The following ABTB1 variants were observed in gnomAD, a reference collection of about 807,000 sequenced individuals.
The protein encoded by ABTB1 is ankyrin repeat and BTB domain containing 1.
In ABTB1, 45 loss-of-function variants were observed where a neutral mutation model predicts 57.1. The ratio of observed to expected loss-of-function variants is 0.79; its 90% CI spans 0.62 to 1.01. The LOEUF is 1.01. Ranked by LOEUF, ABTB1 falls within the 50% of genes least tolerant of loss-of-function variation. The pLI is 0.00. For synonymous variants in ABTB1, 302 were observed against 275.4 expected (o/e 1.10, Z -0.95); for missense variants, 630 against 666.3 (o/e 0.95, Z 0.60).
At chr3:127,673,956 C>G (rs1407922592) in intron 1 of ABTB1, among the ~76,000 whole-genome samples, 1 of 152,234 alleles carries the variant, frequency 6.6e-6, no homozygotes, top group Non-Finnish European at 1.5e-5. Flanking sequence ...GCGACTCCTG[C>G]CTCCTAGAAT....
rs1478630055 is a variant in ABTB1, at chr3:127,680,760, T to G, written c.*285T>G. On this transcript the variant is annotated 3_prime_UTR_variant, in exon 12 of 12. Coordinates refer to ENST00000232744, the MANE Select transcript of ABTB1 (RefSeq NM_172027.3). The stretch of plus-strand genomic sequence containing the variant: ...GGGGTGGGCTTTGGTCTTAGCACTT[T>G]CCTTCTCCAGATCCCCCCTACCCAC... 1.5e-6 allele frequency: 1 copy of G among 667,796 alleles called. No homozygotes were observed. The highest frequency in any genetic ancestry group is 1.7e-5 in the South Asian group (1 of 57,156). 41.4% of individuals were successfully genotyped at this position (667,796 alleles called of 1,614,324 possible).
rs886228479 is a variant in ABTB1 at position 127,676,847 on chromosome 3, A to G, written c.527-120A>G. 2 of 1,016,922 alleles carry G rather than the reference A, an allele frequency of 2.0e-6. No individual in the cohort carries two copies. The highest frequency in any genetic ancestry group is 1.6e-5 in the African/African-American group (1 of 62,590). The allele number at this position is 1,016,922 out of a possible 1,614,324, so 63.0% of individuals were successfully genotyped here. ...TTTTGATGGGGAAACCATGGTGGCA[A>G]GTGGGCCCAGGAGTCCTAGTCCTGC... On this transcript the variant is annotated intron_variant, in intron 6 of 11. Transcript: ENST00000232744. The surrounding 1 kb of genome is among the most constrained non-coding windows in gnomAD (Gnocchi z 5.4).
Position 127,676,797 on chromosome 3 carries a change from T to G in ABTB1, c.527-170T>G. 1 of 833,446 alleles carries G rather than the reference T, an allele frequency of 1.2e-6. No individual in the cohort carries two copies. The highest frequency in any genetic ancestry group is 1.9e-6 in the Non-Finnish European group (1 of 538,766). The allele number at this position is 833,446 out of a possible 1,614,324, so 51.6% of individuals were successfully genotyped here. On this transcript the variant is annotated intron_variant, in intron 6 of 11. Coordinates refer to ENST00000232744, the MANE Select transcript of ABTB1 (RefSeq NM_172027.3). The surrounding 1 kb of genome is among the most constrained non-coding windows in gnomAD (Gnocchi z 5.4). The stretch of plus-strand genomic sequence containing the variant: ...ACCCACATGCTGAGGCCCTCCCATC[T>G]GTTCCCTGGGGCCTGTAGAACAGCT...
chr3:127,676,460 A>T lies in ABTB1; in HGVS notation c.480+29A>T. The T allele has an allele frequency of 6.2e-7, 1 of 1,614,058 alleles. No homozygotes were observed. Among genetic ancestry groups the T allele is most frequent in the Non-Finnish European group, 8.5e-7 (1 of 1,179,964 alleles). On this transcript the variant is annotated intron_variant, in intron 5 of 11. Coordinates refer to ENST00000232744, the MANE Select transcript of ABTB1 (RefSeq NM_172027.3). The surrounding 1 kb of genome is among the most constrained non-coding windows in gnomAD (Gnocchi z 5.4). ...TGTCCCTTCAGGGTGGCAGAGGGGC[A>T]TGAACTGTCCAGGAACAGCAGGAGG...
chr3:127,676,798 G>C lies in ABTB1; in HGVS notation c.527-169G>C. 1.3e-5 allele frequency: 11 copies of C among 834,702 alleles called. No individual in the cohort carries two copies. The South Asian group carries it at 1.9e-4, about 14-fold the overall frequency. 51.7% of individuals were successfully genotyped at this position (834,702 alleles called of 1,614,324 possible). Reference sequence around the variant, plus strand: ...CCCACATGCTGAGGCCCTCCCATCTGTTCCCTGGGGCCTGTAGAACAGCTT... The same window carrying C: ...CCCACATGCTGAGGCCCTCCCATCTCTTCCCTGGGGCCTGTAGAACAGCTT... On this transcript the variant is annotated intron_variant, in intron 6 of 11. Transcript: ENST00000232744. The surrounding 1 kb of genome is among the most constrained non-coding windows in gnomAD (Gnocchi z 5.4).
intron 10 of ABTB1, 137 bp downstream of exon 10, chr3:127,677,980 G>A: frequency 8.6e-7 from 1 of 1,159,890 alleles, no homozygotes; most frequent in Non-Finnish European, 1.2e-6. Flanking sequence ...TGGAGGGGAA[G>A]GCTGTGGGAC....
intron 8 of ABTB1, 29 bp from the exon 9 acceptor site, chr3:127,677,436 C>G (rs1292930376): frequency 6.2e-7 from 1 of 1,611,738 alleles, no homozygotes; most frequent in Non-Finnish European, 8.5e-7. Flanking sequence ...AACAACTGCT[C>G]TGATGGGGTC....
intron 10 of ABTB1, chr3:127,679,617 C>T: frequency 2.1e-6 from 1 of 483,888 alleles, no homozygotes. Flanking sequence ...GGACTGGGAA[C>T]TAGAGGCACA....
rs2074945471 is a variant in ABTB1, at chr3:127,675,008, TTCGGCTCTC to T, written c.175+409_175+417del. On this transcript the variant is annotated intron_variant, in intron 3 of 11. Coordinates refer to ENST00000232744, the MANE Select transcript of ABTB1 (RefSeq NM_172027.3). ...TCTGCCCTCCCACTGGCCTCATTCC[TTCGGCTCTC>T]CCTGCTTGCTTGCTGCTTGCTTGCT... is the stretch of plus-strand genomic sequence containing the variant. Among the ~76,000 whole-genome samples, 6 of 151,986 alleles carry T rather than the reference TTCGGCTCTC, an allele frequency of 3.9e-5. No homozygotes were observed. In the South Asian group the frequency reaches 1.2e-3, roughly 31 times the overall value.
chr3:127,673,124 C>T (rs1450566147), intron 1 of ABTB1, 43 bp downstream of exon 1: 3 of 1,492,336 alleles, frequency 2.0e-6, no homozygotes, highest in Non-Finnish European at 2.7e-6. Context: ...GAGGTGGCCG[C>T]CCTCGGAACG....
At position 127,673,061 on chromosome 3, in the gene ABTB1, G is replaced by T. The variant is rs11538437; in HGVS notation, c.36G>T (p.Lys12Asn). ...GCGACCTGTTCGCCAGCTGCAGGAAGGGGGATGTGGGCCGAGTGCGGTGAG... is the reference window on the plus strand; with the variant it reads ...GCGACCTGTTCGCCAGCTGCAGGAATGGGGATGTGGGCCGAGTGCGGTGAG... ...DTSDLFASCR[K>N]GDVGRVRYLL... Residue 12 changes from lysine to asparagine, a missense_variant, in exon 1 of 12, where the codon AAG becomes AAT. Around this residue, in one of 3 missense-constraint regions of ABTB1, gnomAD observed 579 missense variants for 585.9 expected, o/e 0.99. Coordinates refer to ENST00000232744, the MANE Select transcript of ABTB1 (RefSeq NM_172027.3). 6.3e-7 allele frequency: 1 copy of T among 1,576,456 alleles called. No individual in the cohort carries two copies. Among genetic ancestry groups the T allele is most frequent in the Admixed American group, 1.8e-5 (1 of 56,936 alleles).
rs1426265569 is a variant in ABTB1, at chr3:127,676,358, G to A, written c.407G>A (p.Arg136His). 8 of 1,614,044 alleles carry A rather than the reference G, an allele frequency of 5.0e-6. No homozygotes were observed. The highest frequency in any genetic ancestry group is 1.3e-5 in the African/African-American group (1 of 74,922). Reference sequence around the variant, plus strand: ...GTGCATCGCTGCGTCCTGGGTGCACGTAGTGCCTACTTTGCCAACATGCTG... The same window carrying A: ...GTGCATCGCTGCGTCCTGGGTGCACATAGTGCCTACTTTGCCAACATGCTG... ...FRVHRCVLGA[R>H]SAYFANMLDT... is the part of the protein sequence containing the mutation. Residue 136 changes from arginine to histidine, a missense_variant, in exon 5 of 12, where the codon CGT becomes CAT. By Grantham distance (29) the Arg-to-His change is conservative. Transcript: ENST00000232744. The surrounding 1 kb of genome is among the most constrained non-coding windows in gnomAD (Gnocchi z 5.4).
In ABTB1 at chr3:127,677,305, G is replaced by A; in HGVS notation, c.762+19G>A. ...GCTCCGAGTAAGTGCGGGGCTGGTGGGCAGGAAGGGCGTTTTGGGATGGCA... is the reference window on the plus strand; with the variant it reads ...GCTCCGAGTAAGTGCGGGGCTGGTGAGCAGGAAGGGCGTTTTGGGATGGCA... On this transcript the variant is annotated intron_variant, in intron 8 of 11. Coordinates refer to ENST00000232744, the MANE Select transcript of ABTB1 (RefSeq NM_172027.3). 6.3e-7 allele frequency: 1 copy of A among 1,581,936 alleles called. No individual in the cohort carries two copies. The highest frequency in any genetic ancestry group is 1.3e-5 in the African/African-American group (1 of 74,536).
intron 10 of ABTB1, chr3:127,679,677 C>T: frequency 1.8e-6 from 1 of 548,144 alleles, no homozygotes; most frequent in Non-Finnish European, 3.5e-6. Context: ...GTGTCAGACC[C>T]AGGTCTGTAT....
intron 1 of ABTB1, 150 bp downstream of exon 1, chr3:127,673,231 G>A: frequency 3.9e-6 from 3 of 762,980 alleles, no homozygotes; most frequent in Non-Finnish European, 5.4e-6. Context: ...CAGACCACCC[G>A]GACCCCCGCC....
At position 127,673,507 on chromosome 3, in the gene ABTB1, GC is replaced by G. The variant is rs536047795; in HGVS notation, c.56+428del. On this transcript the variant is annotated intron_variant, in intron 1 of 11. Coordinates refer to ENST00000232744, the MANE Select transcript of ABTB1 (RefSeq NM_172027.3). ...GGGGAACACCTAGAGCCCATAATCG[GC>G]CTCCGGTCCCTGAGGATTCGGAAAC... The G allele has an allele frequency of 9.9e-3, 1,534 of 155,150 alleles. 8 individuals are homozygous for G. The highest frequency in any genetic ancestry group is 0.016 in the Non-Finnish European group (1,132 of 70,060). 9.6% of individuals were successfully genotyped at this position (155,150 alleles called of 1,614,324 possible). A position where few individuals can be genotyped will look rare whatever the true frequency, so the allele number is the denominator to read the frequency against.
rs768402908 is a variant in ABTB1 at position 127,680,102 on chromosome 3, G to T, written c.1147G>T (p.Gly383Cys). Reference protein sequence around the residue: ...AQMLDEDTVVGVWRVAKLFRL... With the variant: ...AQMLDEDTVVCVWRVAKLFRL... Reference sequence around the variant, plus strand: ...GATGCTAGACGAGGACACTGTGGTGGGTGTGTGGCGCGTGGCCAAGCTCTT... The same window carrying T: ...GATGCTAGACGAGGACACTGTGGTGTGTGTGTGGCGCGTGGCCAAGCTCTT... The change falls in exon 11 of 12, where the codon GGT becomes TGT. Residue 383 changes from glycine (G) to cysteine (C), a missense_variant. Physicochemically the swap from Gly to Cys is radical, Grantham distance 159 (BLOSUM62 -3). Coordinates refer to ENST00000232744, the MANE Select transcript of ABTB1 (RefSeq NM_172027.3). The T allele has an allele frequency of 3.7e-6, 6 of 1,613,790 alleles. No individual in the cohort carries two copies. In the Admixed American group the frequency reaches 6.7e-5, roughly 18 times the overall value.
In ABTB1 at chr3:127,677,750, G is replaced by A. The variant is rs760516758; in HGVS notation, c.936G>A (p.Ala312=). The change falls in exon 10 of 12, where the codon GCG becomes GCA. Residue 312 remains alanine, a synonymous_variant. Transcript: ENST00000232744. The part of the protein sequence containing the change: ...DDHFRESEEP[A]TSGGPPAVTL... The stretch of plus-strand genomic sequence containing the variant: ...ACTTCCGAGAGAGCGAGGAGCCAGC[G>A]ACCTCAGGGGGCCCCCCAGCCGTCA... 3.8e-5 allele frequency: 61 copies of A among 1,611,206 alleles called. 1 individual carries two copies. In the South Asian group the frequency reaches 4.6e-4, roughly 12 times the overall value.
chr3:127,677,215 C>G lies in ABTB1; in HGVS notation c.691C>G (p.Pro231Ala). The G allele has an allele frequency of 6.2e-7, 1 of 1,610,088 alleles. No individual in the cohort carries two copies. The highest frequency in any genetic ancestry group is 8.5e-7 in the Non-Finnish European group (1 of 1,178,426). ...TGTGAAGGTGCTGACCATCGAGCCC[C>G]CACCTGCAGACCCCCGCCTCCGGGA... ...TCVKVLTIEPPPADPRLREDM... is the reference protein window; with the variant it reads ...TCVKVLTIEPAPADPRLREDM... Residue 231 changes from proline (P) to alanine (A), a missense_variant, in exon 8 of 12, where the codon CCA (proline) becomes GCA (alanine). Pro to Ala is a conservative substitution (Grantham distance 27). This residue lies in a region of ABTB1 where 579 missense variants were observed against 585.9 expected (regional missense o/e 0.99). Transcript: ENST00000232744.
Sources: gnomAD v4.1 joint callset for allele counts (sites outside exome capture counted in the v4.1 genomes callset) on GRCh38, gnomAD v4.1.1 for gene constraint, gnomAD v4.1.1 regional missense constraint, Gnocchi (gnomAD v3.1) non-coding constraint, MANE v1.5 for transcripts, NCBI Gene and HGNC (gene_info 2026-07-23, HGNC 2026-07-21) for gene names.